TMEM63C: variants seen among roughly 807,000 people sequenced by gnomAD.
TMEM63C encodes the protein transmembrane protein 63C.
Under a neutral mutation model 99.2 loss-of-function variants are expected in TMEM63C, and 32 were observed. That is an observed-to-expected ratio of 0.32 (90% CI 0.24 to 0.43). TMEM63C has a LOEUF of 0.43. Among genes scored for constraint, TMEM63C ranks in the 20% least tolerant of loss-of-function variants. The pLI, the probability that TMEM63C is intolerant of heterozygous loss-of-function variation, is 1.00. For synonymous variants in TMEM63C, 376 were observed against 397.9 expected (o/e 0.94, Z 0.66); for missense variants, 826 against 1,053.0 (o/e 0.78, Z 2.98).
intron 20 of TMEM63C, 110 bp from the exon 21 acceptor site, chr14:77,249,181 T>C: frequency 8.3e-7 from 1 of 1,199,444 alleles, no homozygotes; most frequent in Non-Finnish European, 1.2e-6. Context: ...CCTTGGTTGT[T>C]GTGACTCTGA....
intron 23 of TMEM63C, among the ~76,000 whole-genome samples, chr14:77,254,129 G>A (rs1012851840): frequency 2.0e-5 from 3 of 152,260 alleles, no homozygotes; most frequent in African/African-American, 7.2e-5. Context: ...GGGGTGCCAG[G>A]TGAAGTAGGG....
At chr14:77,219,149 C>T (rs1888645786) in intron 3 of TMEM63C, among the ~76,000 whole-genome samples, 186 bp downstream of exon 3, 1 of 152,254 alleles carries the variant, frequency 6.6e-6, no homozygotes, top group East Asian at 1.9e-4. Flanking sequence ...GAGGAACAGG[C>T]AGAATTCCTG....
At chr14:77,238,609 T>A (rs1889103571) in intron 9 of TMEM63C, 85 bp from the exon 10 acceptor site, 1 of 1,119,306 alleles carries the variant, frequency 8.9e-7, no homozygotes, top group South Asian at 1.3e-5. Context: ...GCAGAAGGCC[T>A]GCTCTGAGCC....
At chr14:77,233,578 C>A in intron 8 of TMEM63C, 78 bp downstream of exon 8, 1 of 1,480,322 alleles carries the variant, frequency 6.8e-7, no homozygotes, top group Non-Finnish European at 9.4e-7. Context: ...TGTCAGTTTG[C>A]AACATGGGCA....
intron 1 of TMEM63C, among the ~76,000 whole-genome samples, chr14:77,209,535 T>C (rs1482330524): frequency 6.6e-6 from 1 of 152,040 alleles, no homozygotes; most frequent in Non-Finnish European, 1.5e-5. Flanking sequence ...AAAGAGCCCA[T>C]GGATTTGTTG....
At chr14:77,191,538 CTTTTTT>C (rs71125542) in intron 1 of TMEM63C, among the ~76,000 whole-genome samples, 21 of 82,606 alleles carry the variant, frequency 2.5e-4, no homozygotes, top group East Asian at 8.0e-4. Flanking sequence ...TTTTCTTTTT[CTTTTTT>C]TTTTTTTTTT....
intron 1 of TMEM63C, among the ~76,000 whole-genome samples, chr14:77,189,773 A>C (rs1393999466): frequency 4.6e-5 from 7 of 152,194 alleles, no homozygotes; most frequent in Non-Finnish European, 1.0e-4. Context: ...GGACTCAGGG[A>C]ACTGGCAGGT....
intron 9 of TMEM63C, 113 bp from the exon 10 acceptor site, chr14:77,238,581 A>G (rs1889102882): frequency 2.4e-6 from 2 of 817,026 alleles, no homozygotes; most frequent in South Asian, 3.3e-5. Context: ...AGGCACTGGC[A>G]TCAGCAGCCT....
intron 7 of TMEM63C, among the ~76,000 whole-genome samples, chr14:77,232,479 G>A (rs1888962276): frequency 6.6e-6 from 1 of 152,010 alleles, no homozygotes; most frequent in African/African-American, 2.4e-5. Flanking sequence ...GTAGAGACGG[G>A]TTTTCACCAT....
At chr14:77,239,541 G>A in intron 11 of TMEM63C, 49 bp downstream of exon 11, 3 of 1,612,132 alleles carry the variant, frequency 1.9e-6, no homozygotes, top group African/African-American at 1.3e-5. Flanking sequence ...GGTAAAAGGG[G>A]AGGATGGGGC....
chr14:77,215,695 C>T (rs578196828), intron 2 of TMEM63C, among the ~76,000 whole-genome samples: 1 of 152,172 alleles, frequency 6.6e-6, no homozygotes, highest in African/African-American at 2.4e-5. Flanking sequence ...CTGGGACCAG[C>T]CAGCACCTGA....
intron 1 of TMEM63C, among the ~76,000 whole-genome samples, chr14:77,192,101 G>A (rs1052403786): frequency 1.2e-4 from 19 of 152,014 alleles, no homozygotes; most frequent in Admixed American, 4.6e-4. Flanking sequence ...ATATAAATAC[G>A]GCCATCCTTG....
chr14:77,202,131 C>A (rs1017647372), intron 1 of TMEM63C, among the ~76,000 whole-genome samples: 1 of 152,230 alleles, frequency 6.6e-6, no homozygotes, highest in African/African-American at 2.4e-5. Flanking sequence ...CACATAAATT[C>A]ACACAAGCGC....
chr14:77,187,538 G>GGAA, intron 1 of TMEM63C, among the ~76,000 whole-genome samples: 1 of 152,244 alleles, frequency 6.6e-6, no homozygotes, highest in African/African-American at 2.4e-5. Context: ...TGGGGCCCTG[G>GGAA]CCCAGGCACA....
intron 23 of TMEM63C, 128 bp downstream of exon 23, chr14:77,253,504 T>C (rs55891227): frequency 0.38 from 335,398 of 885,978 alleles, 67,685 homozygotes; most frequent in Non-Finnish European, 0.43. Context: ...GGGGGACCCC[T>C]GGGCTCCCTC....
At chr14:77,219,683 C>G in intron 4 of TMEM63C, 106 bp downstream of exon 4, 1 of 1,221,796 alleles carries the variant, frequency 8.2e-7, no homozygotes, top group Non-Finnish European at 1.2e-6. Flanking sequence ...AGGTGTCTCG[C>G]CAGCAAGTGG....
At chr14:77,214,910 T>G (rs1281996467) in intron 2 of TMEM63C, among the ~76,000 whole-genome samples, 2 of 152,156 alleles carry the variant, frequency 1.3e-5, no homozygotes, top group East Asian at 3.9e-4. Flanking sequence ...GGAACTCCAG[T>G]AGCTTTCCCT....
In TMEM63C at chr14:77,231,659, T is replaced by A; in HGVS notation, c.422T>A (p.Ile141Asn). 6.4e-7 allele frequency: 1 copy of A among 1,551,642 alleles called. No homozygotes were observed. The highest frequency in any genetic ancestry group is 8.7e-7 in the Non-Finnish European group (1 of 1,146,984). ...IYIVFQYHLI[I>N]FVLIICIPSL... ...ATCGTGTTCCAGTACCACCTCATCA[T>A]CTTTGTGCTCATCATCTGTATCCCC... The change falls in exon 7 of 24, where the codon ATC (isoleucine) becomes AAC (asparagine). Residue 141 changes from isoleucine to asparagine, a missense_variant. Transcript: ENST00000298351.
At position 77,239,465 on chromosome 14, in the gene TMEM63C, G is replaced by A; in HGVS notation, c.779G>A (p.Arg260Lys). Reference sequence around the variant, plus strand: ...AGAGTCCACTTCTGCTACGACGTCAGGAACCTGATCGACTTGGACGATCAG... The same window carrying A: ...AGAGTCCACTTCTGCTACGACGTCAAGAACCTGATCGACTTGGACGATCAG... ...VTRVHFCYDV[R>K]NLIDLDDQRR... Residue 260 changes from arginine (R) to lysine (K), a missense_variant, in exon 11 of 24, where the codon AGG (arginine) becomes AAG (lysine). Arg to Lys is a conservative substitution (Grantham distance 26). Transcript: ENST00000298351. 1 of 1,613,736 alleles carries A rather than the reference G, an allele frequency of 6.2e-7. No homozygotes were observed. The highest frequency in any genetic ancestry group is 8.5e-7 in the Non-Finnish European group (1 of 1,179,896).
Sources: gnomAD v4.1 joint callset for allele counts (sites outside exome capture counted in the v4.1 genomes callset) on GRCh38, gnomAD v4.1.1 for gene constraint, MANE v1.5 for transcripts, NCBI Gene and HGNC (gene_info 2026-07-23, HGNC 2026-07-21) for gene names.